Variants in MYO3B observed in about 807,000 individuals in gnomAD.
MYO3B encodes myosin IIIB.
MYO3B carries 156 observed loss-of-function variants against 174.6 expected under a neutral mutation model. That is an observed-to-expected ratio of 0.89 (90% CI 0.78 to 1.02). The LOEUF is 1.02. Among genes scored for constraint, MYO3B ranks in the 50% least tolerant of loss-of-function variants. The probability of loss-of-function intolerance (pLI) is 0.00; values close to 1 mark genes in which losing one functional copy is unlikely to be tolerated. For synonymous variants in MYO3B, 563 were observed against 569.1 expected (o/e 0.99, Z 0.15); for missense variants, 1,632 against 1,639.4 (o/e 1.00, Z 0.08).
intron 28 of MYO3B, among the ~76,000 whole-genome samples, 180 bp downstream of exon 28, chr2:170,502,045 G>C (rs551042821): frequency 1.3e-5 from 2 of 152,322 alleles, no homozygotes; most frequent in East Asian, 3.9e-4. Flanking sequence ...CTAACGGTGA[G>C]CATGAGCATT....
At position 170,303,413 on chromosome 2, in the gene MYO3B, G is replaced by A. The variant is rs573468632; in HGVS notation, c.750-31972G>A. Reference sequence around the variant, plus strand: ...CATCCATCTTATGGGTGTAAAAAATGGTATTTCACATTCTCATTTACATTT... The same window carrying A: ...CATCCATCTTATGGGTGTAAAAAATAGTATTTCACATTCTCATTTACATTT... On this transcript the variant is annotated intron_variant, in intron 7 of 34. Transcript: ENST00000408978. Among the ~76,000 whole-genome samples, 222 of 152,082 alleles carry A rather than the reference G, an allele frequency of 1.5e-3. 3 individuals carry two copies. Among genetic ancestry groups the A allele is most frequent in the Non-Finnish European group, 1.5e-5 (1 of 67,966 alleles).
intron 1 of MYO3B, among the ~76,000 whole-genome samples, chr2:170,181,633 T>C (rs929912479): frequency 1.3e-5 from 2 of 152,162 alleles, no homozygotes; most frequent in African/African-American, 4.8e-5. Flanking sequence ...ATTTTTGTTG[T>C]TGTTTTTAAA....
Position 170,207,501 on chromosome 2 carries a change from C to T in MYO3B, c.322-6878C>T, listed in dbSNP as rs114262763. Among the ~76,000 whole-genome samples the T allele has an allele frequency of 8.2e-3, 1,253 of 152,188 alleles. 10 individuals carry two copies. The highest frequency in any genetic ancestry group is 0.031 in the Middle Eastern group (9 of 294). ...CAACTGGTAAAAAACTTTTACCTTT[C>T]TGCCATCGTGTCAGGCTTTTGGGTT... On this transcript the variant is annotated intron_variant, in intron 3 of 34. Coordinates refer to ENST00000408978, the MANE Select transcript of MYO3B (RefSeq NM_138995.5).
chr2:170,555,027 G>A (rs1691188138), intron 32 of MYO3B, among the ~76,000 whole-genome samples: 1 of 147,240 alleles, frequency 6.8e-6, no homozygotes, highest in South Asian at 2.2e-4. Flanking sequence ...TAATGGTAGG[G>A]TTGTAGTGAT....
chr2:170,189,574 C>T (rs951263304), intron 1 of MYO3B, among the ~76,000 whole-genome samples: 2 of 151,872 alleles, frequency 1.3e-5, no homozygotes, highest in Admixed American at 6.6e-5. Context: ...TGTCTTCAAG[C>T]TCACTCATTC....
chr2:170,593,750 C>T (rs1693968168), intron 32 of MYO3B, among the ~76,000 whole-genome samples: 1 of 152,218 alleles, frequency 6.6e-6, no homozygotes, highest in African/African-American at 2.4e-5. Flanking sequence ...GAGCTCTATA[C>T]ACTTGAACAT....
intron 3 of MYO3B, among the ~76,000 whole-genome samples, chr2:170,207,273 T>A (rs1037075472): frequency 2.2e-4 from 33 of 152,126 alleles, no homozygotes; most frequent in African/African-American, 8.0e-4. Context: ...CTCAGAGGCC[T>A]ATCTAAGGGT....
chr2:170,433,488 A>G (rs2094727427), intron 22 of MYO3B, among the ~76,000 whole-genome samples: 1 of 152,332 alleles, frequency 6.6e-6, no homozygotes, highest in Middle Eastern at 3.4e-3. Context: ...TGGTGGAGAT[A>G]CTGTTACTGG....
chr2:170,236,872 G>A (rs1327846215), intron 7 of MYO3B, among the ~76,000 whole-genome samples: 3 of 152,188 alleles, frequency 2.0e-5, no homozygotes, highest in East Asian at 3.9e-4. Context: ...CAGGCTGGGA[G>A]CCATTTAACT....
In MYO3B at chr2:170,387,115, C is replaced by T; in HGVS notation, c.1384C>T (p.Gln462Ter). 6.2e-7 allele frequency: 1 copy of T among 1,613,916 alleles called. No homozygotes were observed. Among genetic ancestry groups the T allele is most frequent in the Non-Finnish European group, 8.5e-7 (1 of 1,179,830 alleles). The change falls in exon 14 of 35, where the codon CAG (glutamine) becomes TAG (stop). Residue 462 changes from glutamine (Q) to a stop codon, truncating the protein, a stop_gained. Transcript: ENST00000408978. LOFTEE classifies it high-confidence loss of function. Reference sequence around the variant, plus strand: ...TCTCTGTTTGGCACAGGCCAATAATCAGACCTTGAGAGAGAAAATTCTACA... The same window carrying T: ...TCTCTGTTTGGCACAGGCCAATAATTAGACCTTGAGAGAGAAAATTCTACA... ...HLTFLGKANN[Q>*]TLREKILQVN...
intron 7 of MYO3B, among the ~76,000 whole-genome samples, chr2:170,238,364 TTCTCTCTCTC>T (rs375371893): frequency 6.7e-6 from 1 of 150,320 alleles, no homozygotes; most frequent in Non-Finnish European, 1.5e-5. Flanking sequence ...CTGTCTCTCT[TTCTCTCTCTC>T]TCTCTCTCCG....
chr2:170,644,327 C>A (rs1698209744), intron 32 of MYO3B, among the ~76,000 whole-genome samples: 1 of 151,536 alleles, frequency 6.6e-6, no homozygotes, highest in Non-Finnish European at 1.5e-5. Context: ...ACTCTTGTCA[C>A]CCAGGCTGGA....
intron 32 of MYO3B, among the ~76,000 whole-genome samples, chr2:170,617,729 C>T (rs932424697): frequency 6.6e-6 from 1 of 152,108 alleles, no homozygotes; most frequent in African/African-American, 2.4e-5. Flanking sequence ...GCTGTCACTA[C>T]GTTTTTGATA....
intron 1 of MYO3B, among the ~76,000 whole-genome samples, chr2:170,189,077 CTT>C (rs1017923170): frequency 3.3e-4 from 50 of 152,082 alleles, no homozygotes; most frequent in Admixed American, 2.8e-3. Context: ...CTGGGAAAGT[CTT>C]TATTTTTCCT....
chr2:170,559,745 C>G (rs1384989470), intron 32 of MYO3B, among the ~76,000 whole-genome samples: 1 of 152,158 alleles, frequency 6.6e-6, no homozygotes, highest in Non-Finnish European at 1.5e-5. Context: ...AAATCATGCA[C>G]TCTATCCTAG....
chr2:170,399,155 T>C (rs1272818184), intron 16 of MYO3B, among the ~76,000 whole-genome samples: 2 of 150,094 alleles, frequency 1.3e-5, no homozygotes, highest in Non-Finnish European at 3.0e-5. Context: ...GGCAGGAGAA[T>C]TGCTTGAACC....
chr2:170,236,215 A>G (rs2093068623), intron 7 of MYO3B, 79 bp downstream of exon 7: 6 of 1,574,208 alleles, frequency 3.8e-6, no homozygotes, highest in Admixed American at 3.5e-5. Flanking sequence ...ATAGTTTGCA[A>G]GCAATTTCTC....
chr2:170,538,033 A>T (rs1044324527), intron 30 of MYO3B, among the ~76,000 whole-genome samples: 2 of 152,218 alleles, frequency 1.3e-5, no homozygotes, highest in Non-Finnish European at 2.9e-5. Flanking sequence ...AACTTTATCA[A>T]AATTAATAAA....
intron 7 of MYO3B, among the ~76,000 whole-genome samples, chr2:170,313,175 G>C (rs1342898795): frequency 6.6e-6 from 1 of 152,102 alleles, no homozygotes; most frequent in Non-Finnish European, 1.5e-5. Flanking sequence ...GGCCTGCCTG[G>C]GTTGTTCACC....
Sources: allele counts gnomAD v4.1 joint callset (sites outside exome capture counted in the v4.1 genomes callset), GRCh38; gene constraint gnomAD v4.1.1; transcripts MANE v1.5; gene names NCBI Gene and HGNC (gene_info 2026-07-23, HGNC 2026-07-21).